The following LGR6 variants were observed in gnomAD, a reference collection of about 807,000 sequenced individuals.
LGR6 encodes leucine rich repeat containing G protein-coupled receptor 6, also known as leucine-rich repeat-containing G protein-coupled receptor 6.
In LGR6, 45 loss-of-function variants were observed where a neutral mutation model predicts 69.4. The observed-to-expected ratio is 0.65, with a 90% CI of 0.51 to 0.83. The LOEUF is 0.83. Ranked by LOEUF, LGR6 falls within the 40% of genes least tolerant of loss-of-function variation. The pLI, the probability that LGR6 is intolerant of heterozygous loss-of-function variation, is 0.00. For synonymous variants in LGR6, 538 were observed against 555.0 expected, an observed-to-expected ratio of 0.97 and a Z score of 0.43; for missense variants, 1,108 against 1,246.7, an observed-to-expected ratio of 0.89 and a Z score of 1.68.
chr1:202,231,771 T>C (rs978934144), intron 3 of LGR6, among the ~76,000 whole-genome samples: 62 of 151,816 alleles, frequency 4.1e-4, no homozygotes, highest in African/African-American at 1.5e-3. Flanking sequence ...TACATGAAAT[T>C]TTTTTTTTAA....
chr1:202,205,150 C>CCA lies in LGR6; in HGVS notation c.212+10957_212+10958dup, dbSNP rs756092777. Among the ~76,000 whole-genome samples, 154 of 23,084 alleles carry CCA rather than the reference C, an allele frequency of 6.7e-3. 1 individual carries two copies. Among genetic ancestry groups the CCA allele is most frequent in the Non-Finnish European group, 9.4e-3 (107 of 11,330 alleles). 15.1% of individuals were successfully genotyped at this position (23,084 alleles called of 152,430 possible). A position where few individuals can be genotyped will look rare whatever the true frequency, so the allele number is the denominator to read the frequency against. ...ACCTCCTTCAAACACACACACACCT[C>CCA]CACACACACCTAACACACACTTCCT... On this transcript the variant is annotated intron_variant, in intron 1 of 17. Transcript: ENST00000367278.
intron 4 of LGR6, among the ~76,000 whole-genome samples, chr1:202,269,166 A>G (rs931569873): frequency 3.6e-4 from 54 of 152,098 alleles, no homozygotes; most frequent in African/African-American, 1.3e-3. Flanking sequence ...TGAGCCTCCC[A>G]AAGTGCTGGG....
chr1:202,209,779 G>A (rs1659390502), intron 1 of LGR6, among the ~76,000 whole-genome samples: 1 of 152,138 alleles, frequency 6.6e-6, no homozygotes, highest in South Asian at 2.1e-4. Context: ...AGAAGCTCAG[G>A]CCTCAACCCT....
chr1:202,194,259 C>A, intron 1 of LGR6, 58 bp downstream of exon 1: 1 of 1,307,976 alleles, frequency 7.6e-7, no homozygotes, highest in Non-Finnish European at 1.0e-6. Flanking sequence ...AGCGCCCAGT[C>A]CCGGCCTCAG....
At position 202,318,506 on chromosome 1, in the gene LGR6, G is replaced by A. The variant is rs3820386; in HGVS notation, c.2203G>A (p.Ala735Thr). The change falls in exon 18 of 18, where the codon GCC becomes ACC. Residue 735 changes from alanine to threonine, a missense_variant. By Grantham distance (58) the Ala-to-Thr change is moderately conservative. Transcript: ENST00000367278. ...GQPAALGFTV[A>T]LVMMNSFCFL... ...GCCAGCAGCCCTGGGCTTCACCGTG[G>A]CCCTGGTGATGATGAACTCCTTCTG... 388 of 1,614,014 alleles carry A rather than the reference G, an allele frequency of 2.4e-4. 5 individuals are homozygous for A. The East Asian group carries it at 8.4e-3, about 35-fold the overall frequency.
intron 16 of LGR6, among the ~76,000 whole-genome samples, chr1:202,311,355 A>G (rs1156527351): frequency 2.0e-5 from 3 of 152,360 alleles, no homozygotes; most frequent in Middle Eastern, 3.4e-3. Flanking sequence ...CACTTTCCTT[A>G]TCTTTAAATG....
intron 1 of LGR6, chr1:202,203,841 C>T (rs1489747291): frequency 6.2e-7 from 1 of 1,613,848 alleles, no homozygotes; most frequent in Admixed American, 1.7e-5. Context: ...AAGGTTGACA[C>T]TTGTTTGTCA....
chr1:202,318,348 C>A lies in LGR6; in HGVS notation c.2045C>A (p.Ser682Tyr). Residue 682 changes from serine to tyrosine, a missense_variant, in exon 18 of 18, where the codon TCC becomes TAC. Transcript: ENST00000367278. ...SCVRAYGKSP[S>Y]LGSVRAGVLG... ...GTCCGGGCCTATGGGAAGTCCCCCT[C>A]CCTGGGCAGCGTTCGAGCAGGGGTC... 2 of 1,598,296 alleles carry A rather than the reference C, an allele frequency of 1.3e-6. No homozygotes were observed. The highest frequency in any genetic ancestry group is 1.1e-5 in the South Asian group (1 of 87,962).
chr1:202,313,004 G>A (rs1045555588), intron 16 of LGR6, among the ~76,000 whole-genome samples: 6 of 151,998 alleles, frequency 3.9e-5, no homozygotes, highest in South Asian at 4.2e-4. Context: ...CGAGGCAGGC[G>A]GATCACAAGG....
intron 4 of LGR6, among the ~76,000 whole-genome samples, chr1:202,251,717 T>A (rs763853875): frequency 1.3e-4 from 20 of 152,074 alleles, no homozygotes; most frequent in Non-Finnish European, 2.6e-4. Context: ...GCCAGCATCC[T>A]CCCCTGGCCC....
chr1:202,204,319 A>G (rs1198465313), intron 1 of LGR6, among the ~76,000 whole-genome samples: 1 of 103,388 alleles, frequency 9.7e-6, no homozygotes, highest in Non-Finnish European at 1.9e-5. Context: ...CCCAACACAC[A>G]CCTCCTCCTA....
Position 202,306,931 on chromosome 1 carries a change from GC to G in LGR6, c.1201del (p.Gln401LysfsTer29), listed in dbSNP as rs754403507. On this transcript the variant is annotated frameshift_variant, in exon 13 of 18. Transcript: ENST00000367278. LOFTEE classifies it high-confidence loss of function. ...ADTFSQLSSLQALDLSWNAIR... is the reference protein window; with the variant it reads ...ADTFSQLSSLXALDLSWNAIR... ...ACACCTTCAGCCAGCTGAGCTCCCT[GC>G]AAGCCCTGTGAGTACCCACATCCAG... The G allele has an allele frequency of 6.2e-7, 1 of 1,614,030 alleles. No individual in the cohort carries two copies. The highest frequency in any genetic ancestry group is 1.1e-5 in the South Asian group (1 of 91,074).
chr1:202,214,412 A>G (rs1033804960), intron 1 of LGR6, among the ~76,000 whole-genome samples: 1 of 147,762 alleles, frequency 6.8e-6, no homozygotes, highest in Non-Finnish European at 1.5e-5. Flanking sequence ...CCTTTCAGCC[A>G]TGGAGCGGGC....
intron 1 of LGR6, among the ~76,000 whole-genome samples, chr1:202,204,906 A>C (rs1423768964): frequency 4.1e-5 from 1 of 24,218 alleles, no homozygotes; most frequent in Admixed American, 4.4e-4. Context: ...ACACACCTCC[A>C]AACACACACA....
Position 202,318,775 on chromosome 1 carries a change from A to G in LGR6, c.2472A>G (p.Pro824=), listed in dbSNP as rs1654385472. ...VVLPLPACLN[P]LLYLLFNPHF... The stretch of plus-strand genomic sequence containing the variant: ...TGCCCCTGCCTGCCTGCCTCAACCC[A>G]CTGCTGTACCTGCTCTTCAACCCCC... The change falls in exon 18 of 18, where the codon CCA becomes CCG. Residue 824 remains proline, a synonymous_variant. Transcript: ENST00000367278. 1 of 1,613,280 alleles carries G rather than the reference A, an allele frequency of 6.2e-7. No individual in the cohort carries two copies. Among genetic ancestry groups the G allele is most frequent in the Non-Finnish European group, 8.5e-7 (1 of 1,179,948 alleles).
intron 9 of LGR6, among the ~76,000 whole-genome samples, chr1:202,302,985 C>T (rs931646735): frequency 6.6e-6 from 1 of 152,166 alleles, no homozygotes; most frequent in African/African-American, 2.4e-5. Flanking sequence ...AGAGGCCATT[C>T]CCATGTTGCT....
At chr1:202,245,091 C>G (rs1456574718) in intron 4 of LGR6, among the ~76,000 whole-genome samples, 1 of 152,212 alleles carries the variant, frequency 6.6e-6, no homozygotes. Flanking sequence ...CCTGTTGGCA[C>G]CACCCATCCT....
intron 2 of LGR6, among the ~76,000 whole-genome samples, chr1:202,226,382 A>G (rs1660553149): frequency 6.6e-6 from 1 of 152,226 alleles, no homozygotes; most frequent in Admixed American, 6.5e-5. Flanking sequence ...TAGCTCTTTT[A>G]GAATTTAAAT....
intron 4 of LGR6, among the ~76,000 whole-genome samples, chr1:202,243,701 C>G (rs1662398195): frequency 6.6e-6 from 1 of 152,196 alleles, no homozygotes; most frequent in African/African-American, 2.4e-5. Context: ...ACTGACCTTA[C>G]CACTCACAGC....
Sources: allele counts gnomAD v4.1 joint callset (sites outside exome capture counted in the v4.1 genomes callset), GRCh38; gene constraint gnomAD v4.1.1; transcripts MANE v1.5; gene names NCBI Gene and HGNC (gene_info 2026-07-23, HGNC 2026-07-21).